The following MTHFD2L variants were observed in gnomAD, a reference collection of about 807,000 sequenced individuals.
MTHFD2L encodes the protein bifunctional methylenetetrahydrofolate dehydrogenase/cyclohydrolase 2, mitochondrial.
In MTHFD2L, 29 loss-of-function variants were observed where a neutral mutation model predicts 34.9. The observed-to-expected ratio is 0.83, with a 90% CI of 0.62 to 1.13. MTHFD2L has a LOEUF of 1.13. Ranked by LOEUF, MTHFD2L falls within the 50% of genes most tolerant of loss-of-function variation. The pLI is 0.00. For missense variants in MTHFD2L, 481 were observed against 446.5 expected, an observed-to-expected ratio of 1.08 and a Z score of -0.70; for synonymous variants, 167 against 155.7, an observed-to-expected ratio of 1.07 and a Z score of -0.54.
chr4:74,287,683 G>T (rs918565411), intron 7 of MTHFD2L, among the ~76,000 whole-genome samples: 1 of 152,146 alleles, frequency 6.6e-6, no homozygotes, highest in African/African-American at 2.4e-5. Flanking sequence ...GGAGGCAGAG[G>T]TTGCAGTGAG....
At position 74,158,119 on chromosome 4, in the gene MTHFD2L, G is replaced by A. The variant is rs1578274963; in HGVS notation, c.-20G>A. 12 of 1,530,376 alleles carry A rather than the reference G, an allele frequency of 7.8e-6. 1 individual carries two copies. In the East Asian group the frequency reaches 2.9e-4, roughly 38 times the overall value. 94.8% of individuals were successfully genotyped at this position (1,530,376 alleles called of 1,614,324 possible). On this transcript the variant is annotated 5_prime_UTR_variant, in exon 1 of 8. Transcript: ENST00000325278. ...TCGCGGGAGGTGGAGCCCCAGTCCG[G>A]AAGCCGGGGATCCGCGGCCATGACG...
In MTHFD2L at chr4:74,239,731, T is replaced by C. The variant is rs193192943; in HGVS notation, c.805+14337T>C. 2.7e-3 allele frequency among the ~76,000 whole-genome samples: 405 copies of C among 152,336 alleles called. 11 individuals are homozygous for C. The highest frequency in any genetic ancestry group is 0.025 in the Admixed American group (376 of 15,290). ...CAATTCACTTAGAATTTTATTAATA[T>C]GTGCCTTTCAGATGAAGATAATAAT... is the stretch of plus-strand genomic sequence containing the variant. On this transcript the variant is annotated intron_variant, in intron 6 of 7. Coordinates refer to ENST00000325278, the MANE Select transcript of MTHFD2L (RefSeq NM_001144978.3).
At chr4:74,279,614 G>A (rs1221173963) in intron 6 of MTHFD2L, among the ~76,000 whole-genome samples, 1 of 152,010 alleles carries the variant, frequency 6.6e-6, no homozygotes, top group Non-Finnish European at 1.5e-5. Context: ...GAGGGAGATT[G>A]GGATCTTTGC....
chr4:74,238,552 G>A (rs1186970640), intron 6 of MTHFD2L, among the ~76,000 whole-genome samples: 1 of 152,062 alleles, frequency 6.6e-6, no homozygotes, highest in East Asian at 1.9e-4. Context: ...GAATGAACAG[G>A]CAACCTACAG....
chr4:74,264,004 A>G (rs998574064), intron 6 of MTHFD2L, among the ~76,000 whole-genome samples: 5 of 152,112 alleles, frequency 3.3e-5, no homozygotes, highest in Admixed American at 6.5e-5. Flanking sequence ...AAGATCTATC[A>G]TCCATTCCTG....
chr4:74,137,679 AC>A (rs1723027492), intron 1 of MTHFD2L, among the ~76,000 whole-genome samples: 1 of 152,238 alleles, frequency 6.6e-6, no homozygotes, highest in Non-Finnish European at 1.5e-5. Flanking sequence ...TGCATTATTC[AC>A]AATAGGCAAA....
chr4:74,229,513 AT>A (rs1230390028), intron 6 of MTHFD2L, among the ~76,000 whole-genome samples: 4 of 152,206 alleles, frequency 2.6e-5, no homozygotes, highest in African/African-American at 9.6e-5. Flanking sequence ...CGTGATATAT[AT>A]CAGAAAGAAT....
At chr4:74,192,159 C>T (rs1244292653) in intron 3 of MTHFD2L, among the ~76,000 whole-genome samples, 7 of 151,856 alleles carry the variant, frequency 4.6e-5, no homozygotes, top group Non-Finnish European at 7.4e-5. Context: ...AATATATTTA[C>T]TAGATGTTGA....
At chr4:74,120,028 G>A (rs1024027446), upstream of MTHFD2L, among the ~76,000 whole-genome samples, 2 of 152,064 alleles carry the variant, frequency 1.3e-5, no homozygotes, top group Non-Finnish European at 2.9e-5. Flanking sequence ...ATTATTGAAG[G>A]CCACCATTTT....
chr4:74,154,126 T>C (rs547067100), upstream of MTHFD2L, among the ~76,000 whole-genome samples: 1 of 152,302 alleles, frequency 6.6e-6, no homozygotes, highest in African/African-American at 2.4e-5. Context: ...TGTTGGGATT[T>C]AATTGTTTTT....
chr4:74,186,153 T>C (rs1258062742), intron 3 of MTHFD2L, among the ~76,000 whole-genome samples: 1 of 152,020 alleles, frequency 6.6e-6, no homozygotes, highest in Admixed American at 6.6e-5. Flanking sequence ...TAGATACAGA[T>C]AAAGTATTGG....
At chr4:74,157,580 T>C (rs1332308969), upstream of MTHFD2L, 7 of 435,380 alleles carry the variant, frequency 1.6e-5, no homozygotes, top group South Asian at 1.1e-4. Context: ...AGTAGAAGTA[T>C]AGAAATCCTA....
intron 1 of MTHFD2L, among the ~76,000 whole-genome samples, chr4:74,171,828 G>A (rs1323490183): frequency 1.3e-5 from 2 of 152,080 alleles, no homozygotes. Context: ...AAGCATATGT[G>A]TACAAAATAT....
chr4:74,257,213 C>G (rs570208741), intron 6 of MTHFD2L, among the ~76,000 whole-genome samples: 1 of 151,948 alleles, frequency 6.6e-6, no homozygotes, highest in Non-Finnish European at 1.5e-5. Flanking sequence ...TTTGTATGTG[C>G]TTGGCTATTG....
chr4:74,230,563 C>A (rs1234803586), intron 6 of MTHFD2L, among the ~76,000 whole-genome samples: 1 of 149,438 alleles, frequency 6.7e-6, no homozygotes, highest in Non-Finnish European at 1.5e-5. Flanking sequence ...GCACTCCAGC[C>A]TGGGCAACAG....
intron 1 of MTHFD2L, among the ~76,000 whole-genome samples, chr4:74,131,783 A>T (rs1722523538): frequency 1.3e-5 from 2 of 152,344 alleles, no homozygotes; most frequent in South Asian, 4.1e-4. Flanking sequence ...AACTATCATC[A>T]GAGTGAACAG....
At chr4:74,297,839 G>T (rs553002185) in intron 7 of MTHFD2L, among the ~76,000 whole-genome samples, 2 of 152,008 alleles carry the variant, frequency 1.3e-5, no homozygotes, top group Non-Finnish European at 2.9e-5. Flanking sequence ...GCTTAAGATC[G>T]CCCTGAAATA....
chr4:74,229,226 G>A (rs1046658431), intron 6 of MTHFD2L, among the ~76,000 whole-genome samples: 3 of 152,152 alleles, frequency 2.0e-5, no homozygotes, highest in Admixed American at 2.0e-4. Flanking sequence ...GATAAAACAT[G>A]TAGGCATTTA....
intron 6 of MTHFD2L, among the ~76,000 whole-genome samples, chr4:74,227,976 T>C (rs1217620950): frequency 6.6e-6 from 1 of 152,198 alleles, no homozygotes; most frequent in Non-Finnish European, 1.5e-5. Context: ...ATAGGCCCTT[T>C]TCTGGAACCT....
Sources: allele counts gnomAD v4.1 joint callset (sites outside exome capture counted in the v4.1 genomes callset), GRCh38; gene constraint gnomAD v4.1.1; transcripts MANE v1.5; gene names NCBI Gene and HGNC (gene_info 2026-07-23, HGNC 2026-07-21).